BRI3: variants seen among roughly 807,000 people sequenced by gnomAD.
BRI3 encodes the protein brain protein I3.
Under a neutral mutation model 12.8 loss-of-function variants are expected in BRI3, and 6 were observed. The ratio of observed to expected loss-of-function variants is 0.47; its 90% CI spans 0.26 to 0.93. The LOEUF (loss-of-function observed/expected upper bound fraction) is 0.93, where lower values mean the gene tolerates loss of function less well. Among genes scored for constraint, BRI3 ranks in the 40% least tolerant of loss-of-function variants. BRI3 has a pLI of 0.15. For synonymous variants in BRI3, 91 were observed against 76.1 expected, an observed-to-expected ratio of 1.20 and a Z score of -1.02; for missense variants, 134 against 171.1, an observed-to-expected ratio of 0.78 and a Z score of 1.21.
the BRI3 span, chr7:98,317,422 T>A: frequency 6.3e-7 from 1 of 1,585,924 alleles, no homozygotes; most frequent in South Asian, 1.1e-5. Context: ...AGTTTGCCTT[T>A]ACTCACACTT....
In BRI3 at chr7:98,281,705, G is replaced by C; in HGVS notation, c.-91G>C. 3 of 390,070 alleles carry C rather than the reference G, an allele frequency of 7.7e-6. No individual in the cohort carries two copies. The highest frequency in any genetic ancestry group is 6.8e-6 in the Non-Finnish European group (2 of 292,146). The allele number at this position is 390,070 out of a possible 1,614,324, so 24.2% of individuals were successfully genotyped here. A position where few individuals can be genotyped will look rare whatever the true frequency, so the allele number is the denominator to read the frequency against. Reference sequence around the variant, plus strand: ...TGCCTCAGAGGGGCCCGAGCCACCCGGTCCGCCGCGTCCCCGCCGCCGCCG... The same window carrying C: ...TGCCTCAGAGGGGCCCGAGCCACCCCGTCCGCCGCGTCCCCGCCGCCGCCG... On this transcript the variant is annotated 5_prime_UTR_variant, in exon 1 of 3. Transcript: ENST00000297290.
the BRI3 span, among the ~76,000 whole-genome samples, chr7:98,320,870 T>G: frequency 6.6e-6 from 1 of 152,072 alleles, no homozygotes; most frequent in Non-Finnish European, 1.5e-5. Flanking sequence ...TGTCTTTTGT[T>G]TTTTGAGACA....
chr7:98,301,107 G>A (rs189201402), intron 1 of BRI3, among the ~76,000 whole-genome samples: 2 of 152,106 alleles, frequency 1.3e-5, no homozygotes, highest in Admixed American at 1.3e-4. Context: ...TCTCATCTCT[G>A]TCCACAAAAC....
At chr7:98,307,486 A>G in intron 1 of BRI3, 2 of 1,427,460 alleles carry the variant, frequency 1.4e-6, no homozygotes, top group Non-Finnish European at 1.8e-6. Flanking sequence ...ATAACTATGC[A>G]TGCACCAAAT....
intron 1 of BRI3, among the ~76,000 whole-genome samples, chr7:98,298,987 C>A (rs117532461): frequency 0.01 from 1,543 of 152,120 alleles, 12 homozygotes; most frequent in South Asian, 0.026. Flanking sequence ...CAGGTATATG[C>A]CACCATGCCT....
exon 2 of BRI3, chr7:98,307,795 C>T: frequency 1.2e-6 from 2 of 1,614,256 alleles, no homozygotes; most frequent in South Asian, 1.1e-5. Flanking sequence ...TTGTTGGAGC[C>T]CGCAGTGTGC....
downstream of BRI3, chr7:98,292,493 C>A: frequency 2.5e-6 from 2 of 794,790 alleles, no homozygotes; most frequent in South Asian, 3.5e-5. Context: ...ACTCTCCACT[C>A]CAAAATAGGT....
downstream of BRI3, among the ~76,000 whole-genome samples, chr7:98,312,578 G>A (rs1800911986): frequency 6.6e-6 from 1 of 152,198 alleles, no homozygotes; most frequent in African/African-American, 2.4e-5. Context: ...GGAGCAATCT[G>A]TATGAATCCC....
intron 2 of BRI3, among the ~76,000 whole-genome samples, chr7:98,287,578 C>A (rs2116721440): frequency 6.6e-6 from 1 of 152,316 alleles, no homozygotes; most frequent in African/African-American, 2.4e-5. Flanking sequence ...GAAATCCTAG[C>A]ACTCAGGTGG....
chr7:98,312,095 A>G, downstream of BRI3: 2 of 1,591,436 alleles, frequency 1.3e-6, no homozygotes, highest in Non-Finnish European at 1.7e-6. Flanking sequence ...ACTGGCTCCT[A>G]CCACATTGCT....
upstream of BRI3, chr7:98,304,174 G>A (rs528089584): frequency 1.1e-5 from 17 of 1,549,232 alleles, no homozygotes; most frequent in African/African-American, 2.7e-5. Context: ...GACCCAGGAC[G>A]CCCTGCTGCG....
upstream of BRI3, chr7:98,304,334 C>T (rs752273587): frequency 6.2e-7 from 1 of 1,613,754 alleles, no homozygotes; most frequent in Non-Finnish European, 8.5e-7. Context: ...CACTGCTATT[C>T]TCAGACAAGT....
At chr7:98,317,424 C>T in the BRI3 span, 12 of 1,582,230 alleles carry the variant, frequency 7.6e-6, no homozygotes, top group Non-Finnish European at 1.0e-5. Context: ...TTTGCCTTTA[C>T]TCACACTTCC....
At chr7:98,306,296 T>G, upstream of BRI3, 1 of 996,790 alleles carries the variant, frequency 1.0e-6, no homozygotes, top group Non-Finnish European at 1.5e-6. Context: ...GACAGCACTG[T>G]GAGCCGCGGT....
downstream of BRI3, chr7:98,294,085 C>T (rs776411998): frequency 6.2e-6 from 10 of 1,614,058 alleles, no homozygotes; most frequent in South Asian, 5.5e-5. Context: ...TGAGAAAAGG[C>T]GGCTTTGCAG....
downstream of BRI3, among the ~76,000 whole-genome samples, chr7:98,297,384 G>A (rs956398958): frequency 2.6e-5 from 4 of 152,156 alleles, no homozygotes; most frequent in Admixed American, 2.0e-4. Flanking sequence ...TCGGAGCACC[G>A]AGCACCACTT....
At chr7:98,318,234 C>T in the BRI3 span, among the ~76,000 whole-genome samples, 1 of 152,332 alleles carries the variant, frequency 6.6e-6, no homozygotes, top group Admixed American at 6.5e-5. Flanking sequence ...TCTTCTCTTT[C>T]TTTTATTCCT....
downstream of BRI3, among the ~76,000 whole-genome samples, chr7:98,294,912 C>T (rs1195657668): frequency 1.3e-5 from 2 of 152,098 alleles, no homozygotes; most frequent in African/African-American, 4.8e-5. Flanking sequence ...CAGGTGTGTG[C>T]GCGCCTTCTT....
At chr7:98,307,860 G>A (rs1370693898) in exon 2 of BRI3, 15 of 1,614,244 alleles carry the variant, frequency 9.3e-6, no homozygotes, top group Non-Finnish European at 7.6e-6. Context: ...CGTTGCAACC[G>A]AAACTGATCG....
Sources: allele counts gnomAD v4.1 joint callset (sites outside exome capture counted in the v4.1 genomes callset), GRCh38; gene constraint gnomAD v4.1.1; transcripts MANE v1.5; gene names NCBI Gene and HGNC (gene_info 2026-07-23, HGNC 2026-07-21).